The following ACSL3 variants were observed in gnomAD, a reference collection of about 807,000 sequenced individuals.
The protein encoded by ACSL3 is acyl-CoA synthetase long chain family member 3.
Under a neutral mutation model 84.7 loss-of-function variants are expected in ACSL3, and 34 were observed. That is an observed-to-expected ratio of 0.40 (90% CI 0.31 to 0.53). The LOEUF is 0.53. ACSL3 is among the 20% of genes least tolerant of loss of function. The pLI, the probability that ACSL3 is intolerant of heterozygous loss-of-function variation, is 0.48. For missense variants in ACSL3, 680 were observed against 873.1 expected (o/e 0.78, Z 2.79); for synonymous variants, 315 against 299.4 (o/e 1.05, Z -0.54).
intron 3 of ACSL3, among the ~76,000 whole-genome samples, chr2:222,901,069 A>G (rs1696133608): frequency 6.6e-6 from 1 of 152,144 alleles, no homozygotes; most frequent in South Asian, 2.1e-4. Context: ...CCCCTACACC[A>G]TCTTCACTTG....
intron 4 of ACSL3, among the ~76,000 whole-genome samples, chr2:222,912,744 T>C (rs1325725273): frequency 6.6e-6 from 1 of 152,202 alleles, no homozygotes; most frequent in Non-Finnish European, 1.5e-5. Context: ...CTGCTCTCGT[T>C]GTGTCCAAGG....
chr2:222,902,012 C>T (rs971529206), intron 3 of ACSL3, among the ~76,000 whole-genome samples: 6 of 148,830 alleles, frequency 4.0e-5, no homozygotes, highest in Middle Eastern at 3.6e-3. Flanking sequence ...TCTGAAACCT[C>T]AGTGGTAAAC....
chr2:222,927,875 T>C (rs1696925035), intron 12 of ACSL3, among the ~76,000 whole-genome samples: 1 of 152,224 alleles, frequency 6.6e-6, no homozygotes. Context: ...CTGTATACCA[T>C]TTTCATGTAT....
chr2:222,911,705 A>G (rs1486784665), intron 4 of ACSL3, among the ~76,000 whole-genome samples: 1 of 152,262 alleles, frequency 6.6e-6, no homozygotes, highest in Non-Finnish European at 1.5e-5. Context: ...TGTGGTGAAT[A>G]TGAAATTTCT....
intron 1 of ACSL3, among the ~76,000 whole-genome samples, chr2:222,871,596 G>GA (rs1695303343): frequency 6.6e-6 from 1 of 152,156 alleles, no homozygotes; most frequent in African/African-American, 2.4e-5. Flanking sequence ...TAGGAGTGAA[G>GA]AAAATGCAGT....
intron 1 of ACSL3, among the ~76,000 whole-genome samples, chr2:222,884,323 G>A (rs1487238686): frequency 6.6e-6 from 1 of 152,206 alleles, no homozygotes; most frequent in African/African-American, 2.4e-5. Flanking sequence ...AACATTCACA[G>A]TGGCAGTGAG....
At chr2:222,933,476 C>A in intron 15 of ACSL3, 196 bp downstream of exon 15, 1 of 483,216 alleles carries the variant, frequency 2.1e-6, no homozygotes. Flanking sequence ...TTCTCTCTGT[C>A]CCTGTTTTCT....
At position 222,889,487 on chromosome 2, in the gene ACSL3, G is replaced by A. The variant is rs1458508478; in HGVS notation, c.-148+1599G>A. Among the ~76,000 whole-genome samples, 3 of 152,326 alleles carry A rather than the reference G, an allele frequency of 2.0e-5. No individual in the cohort carries two copies. In the East Asian group the frequency reaches 5.8e-4, roughly 29 times the overall value. On this transcript the variant is annotated intron_variant, in intron 2 of 16. Coordinates refer to ENST00000357430, the MANE Select transcript of ACSL3 (RefSeq NM_004457.5). ...TAGAACTCAACCTTTTCACGTTTGGGAATTGCTTATGTTCAGAAGTCCCAT... is the reference window on the plus strand; with the variant it reads ...TAGAACTCAACCTTTTCACGTTTGGAAATTGCTTATGTTCAGAAGTCCCAT...
chr2:222,938,176 G>T, intron 16 of ACSL3, among the ~76,000 whole-genome samples: 1 of 152,162 alleles, frequency 6.6e-6, no homozygotes, highest in African/African-American at 2.4e-5. Context: ...ATTCTATACA[G>T]ATTTAAATGT....
rs750293344 is a variant in ACSL3, at chr2:222,918,139, T to C, written c.650T>C (p.Leu217Ser). 6.2e-7 allele frequency: 1 copy of C among 1,609,940 alleles called. No individual in the cohort carries two copies. Reference sequence around the variant, plus strand: ...AACATCATTACTAGTAAAGAACTCTTACAAACAAAGTTGAAGGTGAGGACT... The same window carrying C: ...AACATCATTACTAGTAAAGAACTCTCACAAACAAAGTTGAAGGTGAGGACT... ...VTNIITSKELLQTKLKDIVSL... is the reference protein window; with the variant it reads ...VTNIITSKELSQTKLKDIVSL... Residue 217 changes from leucine to serine, a missense_variant, in exon 6 of 17, where the codon TTA becomes TCA. Coordinates refer to ENST00000357430, the MANE Select transcript of ACSL3 (RefSeq NM_004457.5).
intron 11 of ACSL3, 25 bp from the exon 12 acceptor site, chr2:222,926,992 G>T: frequency 6.2e-7 from 1 of 1,605,812 alleles, no homozygotes; most frequent in Non-Finnish European, 8.5e-7. Context: ...TTAAAATCCT[G>T]TGGTTCTCTA....
At chr2:222,863,835 A>G (rs1403971315) in intron 1 of ACSL3, among the ~76,000 whole-genome samples, 1 of 152,214 alleles carries the variant, frequency 6.6e-6, no homozygotes, top group Non-Finnish European at 1.5e-5. Context: ...AATACATTGC[A>G]ATATATTTAC....
chr2:222,921,923 T>C (rs1301788973), intron 8 of ACSL3, among the ~76,000 whole-genome samples: 1 of 152,104 alleles, frequency 6.6e-6, no homozygotes, highest in Non-Finnish European at 1.5e-5. Context: ...AGAGATGCAA[T>C]TGGTATTCTG....
intron 1 of ACSL3, among the ~76,000 whole-genome samples, chr2:222,863,822 A>G (rs918156219): frequency 2.0e-5 from 3 of 152,204 alleles, no homozygotes; most frequent in Non-Finnish European, 2.9e-5. Context: ...AGCCAATTCA[A>G]ATAATACATT....
At position 222,930,623 on chromosome 2, in the gene ACSL3, G is replaced by A. The variant is rs1314090906; in HGVS notation, c.1543G>A (p.Gly515Arg). ...TAACTCAATTATTATTTTATTAGGTGGATACTTTAATACTGATAAGCCACA... is the reference window on the plus strand; with the variant it reads ...TAACTCAATTATTATTTTATTAGGTAGATACTTTAATACTGATAAGCCACA... ...EIKLKNWEEG[G>R]YFNTDKPHPR... is the part of the protein sequence containing the mutation. The change falls in exon 14 of 17, where the codon GGA becomes AGA. Residue 515 changes from glycine (G) to arginine (R), a missense_variant and splice_region_variant. By Grantham distance (125) the Gly-to-Arg change is moderately radical. Around this residue, in one of 2 missense-constraint regions of ACSL3, gnomAD observed 347 missense variants for 525.7 expected, o/e 0.66. Coordinates refer to ENST00000357430, the MANE Select transcript of ACSL3 (RefSeq NM_004457.5). 2 of 1,597,780 alleles carry A rather than the reference G, an allele frequency of 1.3e-6. No individual in the cohort carries two copies. The highest frequency in any genetic ancestry group is 1.8e-5 in the Admixed American group (1 of 56,134).
chr2:222,870,480 A>T (rs189179478), intron 1 of ACSL3, among the ~76,000 whole-genome samples: 51 of 152,344 alleles, frequency 3.3e-4, no homozygotes, highest in East Asian at 9.6e-4. Context: ...TTGTTTAACA[A>T]ATAATTACAA....
intron 8 of ACSL3, 85 bp downstream of exon 8, chr2:222,921,515 G>A: frequency 7.5e-7 from 1 of 1,337,828 alleles, no homozygotes; most frequent in Admixed American, 1.9e-5. Flanking sequence ...TTAATATATG[G>A]CTAAATTAGT....
chr2:222,916,445 A>G lies in ACSL3; in HGVS notation c.505A>G (p.Arg169Gly), dbSNP rs1696586899. ...CAACATCGCCATCTTCTGTGAGACCAGGGCCGAGTGGATGATAGCTGCACA... is the reference window on the plus strand; with the variant it reads ...CAACATCGCCATCTTCTGTGAGACCGGGGCCGAGTGGATGATAGCTGCACA... ...KTNIAIFCET[R>G]AEWMIAAQAC... is the part of the protein sequence containing the mutation. Residue 169 changes from arginine to glycine, a missense_variant, in exon 5 of 17, where the codon AGG becomes GGG. This residue lies in a region of ACSL3 where 333 missense variants were observed against 347.5 expected (regional missense o/e 0.96). Coordinates refer to ENST00000357430, the MANE Select transcript of ACSL3 (RefSeq NM_004457.5). 1 of 1,613,914 alleles carries G rather than the reference A, an allele frequency of 6.2e-7. No homozygotes were observed. Among genetic ancestry groups the G allele is most frequent in the South Asian group, 1.1e-5 (1 of 91,060 alleles).
intron 7 of ACSL3, 50 bp from the exon 8 acceptor site, chr2:222,921,230 C>G: frequency 6.4e-7 from 1 of 1,561,740 alleles, no homozygotes; most frequent in Non-Finnish European, 8.7e-7. Context: ...ATTGTTGATA[C>G]AGCTGAATCT....
Sources: allele counts gnomAD v4.1 joint callset (sites outside exome capture counted in the v4.1 genomes callset), GRCh38; gene constraint gnomAD v4.1.1; regional missense constraint gnomAD v4.1.1; transcripts MANE v1.5; gene names NCBI Gene and HGNC (gene_info 2026-07-23, HGNC 2026-07-21).